Variants in CDHR3 observed in about 807,000 individuals in gnomAD.
CDHR3 encodes the protein cadherin related family member 3.
CDHR3 carries 79 observed loss-of-function variants against 86.6 expected under a neutral mutation model. That is an observed-to-expected ratio of 0.91 (90% confidence interval 0.76 to 1.10). CDHR3 has a LOEUF of 1.10. Ranked by LOEUF, CDHR3 falls within the 50% of genes least tolerant of loss-of-function variation. The pLI, the probability that CDHR3 is intolerant of heterozygous loss-of-function variation, is 0.00. For synonymous variants in CDHR3, 421 were observed against 402.4 expected (o/e 1.05, Z -0.55); for missense variants, 1,081 against 1,077.6 (o/e 1.00, Z -0.04).
intron 13 of CDHR3, among the ~76,000 whole-genome samples, chr7:106,021,751 A>G (rs991505727): frequency 6.6e-6 from 1 of 152,228 alleles, no homozygotes; most frequent in Non-Finnish European, 1.5e-5. Context: ...TGTGAAAAGC[A>G]TGCAGTGAAC....
At chr7:106,001,294 C>G (rs966817396) in intron 6 of CDHR3, among the ~76,000 whole-genome samples, 168 bp from the exon 7 acceptor site, 2 of 152,188 alleles carry the variant, frequency 1.3e-5, no homozygotes, top group Non-Finnish European at 2.9e-5. Context: ...TTTGGGGATA[C>G]AAAAGCCAGC....
At position 106,017,961 on chromosome 7, in the gene CDHR3, T is replaced by C; in HGVS notation, c.1542T>C (p.Ile514=). The C allele has an allele frequency of 6.2e-7, 1 of 1,613,844 alleles. No individual in the cohort carries two copies. The highest frequency in any genetic ancestry group is 8.5e-7 in the Non-Finnish European group (1 of 1,179,828). Residue 514 remains isoleucine, a synonymous_variant, in exon 12 of 19, where the codon ATT becomes ATC. Coordinates refer to ENST00000317716, the MANE Select transcript of CDHR3 (RefSeq NM_152750.5). The stretch of plus-strand genomic sequence containing the variant: ...TCCAGTATCCAAATGTATTTTGGAT[T>C]AATCCCAAGACAGGAGAACTCCAGC... ...ASLQYPNVFW[I]NPKTGELQLV... is the part of the protein sequence containing the mutation.
intron 7 of CDHR3, among the ~76,000 whole-genome samples, chr7:106,003,934 A>G (rs369541693): frequency 2.4e-4 from 32 of 131,242 alleles, no homozygotes; most frequent in African/African-American, 9.3e-4. Flanking sequence ...TTCTGAGCAT[A>G]TTTATTAAGA....
At chr7:106,028,928 C>CTTTCTTTTTCTT (rs774560321) in intron 17 of CDHR3, among the ~76,000 whole-genome samples, 2 of 109,836 alleles carry the variant, frequency 1.8e-5, no homozygotes, top group African/African-American at 3.7e-5. Context: ...TTCTTTCTTT[C>CTTTCTTTTTCTT]TTTCTTTCTT....
At chr7:106,012,620 G>A (rs1834983239) in intron 8 of CDHR3, among the ~76,000 whole-genome samples, 3 of 152,190 alleles carry the variant, frequency 2.0e-5, no homozygotes, top group African/African-American at 7.2e-5. Context: ...TGGGACTTAG[G>A]AGCAGAGGAG....
intron 18 of CDHR3, among the ~76,000 whole-genome samples, 180 bp from the exon 19 acceptor site, chr7:106,032,213 A>G (rs908482291): frequency 2.6e-5 from 4 of 152,190 alleles, no homozygotes; most frequent in Non-Finnish European, 5.9e-5. Context: ...GCTTGTGGCA[A>G]GGGCAGGCTG....
At chr7:106,013,144 A>G in intron 9 of CDHR3, 113 bp downstream of exon 9, 1 of 886,282 alleles carries the variant, frequency 1.1e-6, no homozygotes, top group Non-Finnish European at 1.7e-6. Context: ...TCTCAGAGCG[A>G]CTGTAACTGA....
intron 1 of CDHR3, among the ~76,000 whole-genome samples, chr7:105,973,686 G>T (rs1251481372): frequency 6.6e-6 from 1 of 152,194 alleles, no homozygotes; most frequent in Non-Finnish European, 1.5e-5. Flanking sequence ...ATCATTCTTG[G>T]CTGGGCATGG....
In CDHR3 at chr7:106,009,642, C is replaced by T. The variant is rs561152888; in HGVS notation, c.1053-3218C>T. On this transcript the variant is annotated intron_variant, in intron 8 of 18. Transcript: ENST00000317716. ...TGTGCTCCCGCAGGGAGGAGGGCGG[C>T]GTGGAGGAGGCGGGCGCCCCCTGCT... Among the ~76,000 whole-genome samples, 13 of 152,224 alleles carry T rather than the reference C, an allele frequency of 8.5e-5. No homozygotes were observed. In the East Asian group the frequency reaches 2.5e-3, roughly 30 times the overall value.
intron 8 of CDHR3, among the ~76,000 whole-genome samples, chr7:106,006,811 C>T (rs1007314279): frequency 6.6e-6 from 1 of 152,200 alleles, no homozygotes; most frequent in Admixed American, 6.5e-5. Context: ...GTCTGGAGGA[C>T]AGTGGCCCTC....
intron 9 of CDHR3, 69 bp downstream of exon 9, chr7:106,013,100 T>C (rs1835063484): frequency 7.1e-7 from 1 of 1,415,854 alleles, no homozygotes; most frequent in African/African-American, 1.4e-5. Context: ...ATGCTTTTGC[T>C]GCCCCATAGA....
chr7:105,986,200 A>G (rs1830500640), intron 4 of CDHR3, among the ~76,000 whole-genome samples: 1 of 152,132 alleles, frequency 6.6e-6, no homozygotes, highest in Non-Finnish European at 1.5e-5. Context: ...GCTATATCTC[A>G]CTGGCCAGAA....
intron 6 of CDHR3, among the ~76,000 whole-genome samples, chr7:105,999,548 G>T (rs1202797114): frequency 2.0e-5 from 3 of 152,154 alleles, no homozygotes; most frequent in African/African-American, 7.2e-5. Context: ...GTCTCCCCTA[G>T]TTGTGAAAAT....
chr7:105,968,340 TTTTCTTTC>T (rs1001571215), intron 1 of CDHR3, among the ~76,000 whole-genome samples: 1 of 152,066 alleles, frequency 6.6e-6, no homozygotes, highest in African/African-American at 2.4e-5. Context: ...ATGCATTTTC[TTTTCTTTC>T]TTTCTTTCTT....
At chr7:105,972,949 C>T (rs1298047006) in intron 1 of CDHR3, among the ~76,000 whole-genome samples, 1 of 152,096 alleles carries the variant, frequency 6.6e-6, no homozygotes. Context: ...CAATTTTTTC[C>T]TCTTTTCCAT....
At chr7:105,997,990 A>G (rs1358632241) in intron 6 of CDHR3, among the ~76,000 whole-genome samples, 7 of 151,592 alleles carry the variant, frequency 4.6e-5, no homozygotes, top group Non-Finnish European at 1.0e-4. Context: ...CATTCCTTGG[A>G]TGAAGGTGAG....
chr7:106,016,030 G>A lies in CDHR3; in HGVS notation c.1426+5G>A, dbSNP rs1197067869. On this transcript the variant is annotated splice_donor_5th_base_variant and intron_variant, in intron 11 of 18. Transcript: ENST00000317716. ...ATGTGTCAGAAAGAAGGCCCGGTAA[G>A]TAACAGATAAGACACAGACCAGAGT... 1.3e-6 allele frequency: 2 copies of A among 1,591,282 alleles called. No homozygotes were observed. The highest frequency in any genetic ancestry group is 1.7e-5 in the Admixed American group (1 of 58,932).
At chr7:106,028,407 ATATC>A in intron 16 of CDHR3, 140 bp from the exon 17 acceptor site, 1 of 881,984 alleles carries the variant, frequency 1.1e-6, no homozygotes, top group South Asian at 1.4e-5. Flanking sequence ...GTCAAGAAAC[ATATC>A]TATAGACAGA....
rs201430498 is a variant in CDHR3, at chr7:105,994,839, A to G, written c.602A>G (p.His201Arg). ...ACAGAATTGGACTTTGAAGCAGGAC[A>G]CAGAAGGTAGTCTTGCTATTGACCT... ...STTELDFEAG[H>R]RSFHLIVEVR... is the part of the protein sequence containing the mutation. Residue 201 changes from histidine (H) to arginine (R), a missense_variant, in exon 5 of 19, where the codon CAC becomes CGC. His to Arg is a conservative substitution (Grantham distance 29). Transcript: ENST00000317716. The G allele has an allele frequency of 1.1e-4, 184 of 1,605,538 alleles. No individual in the cohort carries two copies. Among genetic ancestry groups the G allele is most frequent in the Non-Finnish European group, 1.4e-4 (162 of 1,174,960 alleles).
Sources: gnomAD v4.1 joint callset for allele counts (sites outside exome capture counted in the v4.1 genomes callset) on GRCh38, gnomAD v4.1.1 for gene constraint, MANE v1.5 for transcripts, NCBI Gene and HGNC (gene_info 2026-07-23, HGNC 2026-07-21) for gene names.